CCDC40: variants seen among roughly 807,000 people sequenced by gnomAD.
CCDC40 encodes the protein coiled-coil domain-containing protein 40.
In CCDC40, 104 loss-of-function variants were observed where a neutral mutation model predicts 124.5. The observed-to-expected ratio is 0.84, with a 90% confidence interval of 0.71 to 0.98. The LOEUF (loss-of-function observed/expected upper bound fraction) is 0.98, where lower values mean the gene tolerates loss of function less well. Ranked by LOEUF, CCDC40 falls within the 50% of genes least tolerant of loss-of-function variation. The pLI is 0.00. For synonymous variants in CCDC40, 580 were observed against 602.9 expected, an observed-to-expected ratio of 0.96 and a Z score of 0.56; for missense variants, 1,463 against 1,503.9, an observed-to-expected ratio of 0.97 and a Z score of 0.45.
chr17:80,065,827 C>G (rs2038031891), intron 10 of CCDC40, among the ~76,000 whole-genome samples: 1 of 152,222 alleles, frequency 6.6e-6, no homozygotes. Flanking sequence ...AGGGGAGAGG[C>G]TTTTCTGCTC....
At chr17:80,039,480 C>T (rs2037216970) in intron 2 of CCDC40, among the ~76,000 whole-genome samples, 1 of 151,084 alleles carries the variant, frequency 6.6e-6, no homozygotes, top group South Asian at 2.1e-4. Flanking sequence ...GGCACGATCT[C>T]AGCTCACTGC....
intron 7 of CCDC40, among the ~76,000 whole-genome samples, chr17:80,055,981 CATATAT>C (rs1164782051): frequency 4.6e-4 from 12 of 26,092 alleles, no homozygotes; most frequent in East Asian, 1.7e-3. Flanking sequence ...GGCTAATTTT[CATATAT>C]ATATATATAT....
At chr17:80,088,240 GTTTTGTT>G (rs1008724175) in intron 16 of CCDC40, 138 bp downstream of exon 16, 4 of 724,774 alleles carry the variant, frequency 5.5e-6, no homozygotes, top group Admixed American at 2.0e-5. Context: ...TTTTGTTGTT[GTTTTGTT>G]TTTTGTTTTG....
chr17:80,090,212 CG>C (rs755632597), intron 17 of CCDC40: 2 of 731,690 alleles, frequency 2.7e-6, no homozygotes, highest in South Asian at 2.4e-5. Context: ...GGCACGTGCA[CG>C]AAGAACACGG....
chr17:80,090,252 A>T lies in CCDC40; in HGVS notation c.2832+368A>T. The T allele has an allele frequency of 1.7e-5, 14 of 848,300 alleles. 1 individual carries two copies. The highest frequency in any genetic ancestry group is 6.3e-5 in the East Asian group (2 of 31,848). 52.5% of individuals were successfully genotyped at this position (848,300 alleles called of 1,614,324 possible). On this transcript the variant is annotated intron_variant, in intron 17 of 19. Transcript: ENST00000397545. ...GCGCGCAGGCACGTGCACGAACAACACGGGACGCGCGCGGGCACGTGCACG... is the reference window on the plus strand; with the variant it reads ...GCGCGCAGGCACGTGCACGAACAACTCGGGACGCGCGCGGGCACGTGCACG...
chr17:80,065,638 C>A, intron 10 of CCDC40, 32 bp downstream of exon 10: 1 of 1,610,474 alleles, frequency 6.2e-7, no homozygotes, highest in South Asian at 1.1e-5. Flanking sequence ...CGAGGATGTG[C>A]GGGAACCCCA....
intron 10 of CCDC40, among the ~76,000 whole-genome samples, chr17:80,079,882 G>A (rs975160900): frequency 6.6e-6 from 1 of 151,214 alleles, no homozygotes; most frequent in Non-Finnish European, 1.5e-5. Flanking sequence ...CCGAGATCGC[G>A]CCACTGTACT....
chr17:80,041,291 T>A (rs1402499853), intron 3 of CCDC40, among the ~76,000 whole-genome samples: 3 of 152,082 alleles, frequency 2.0e-5, no homozygotes, highest in Admixed American at 6.6e-5. Context: ...GTGGATCACT[T>A]GAGGCCAGGA....
chr17:80,079,915 ACT>A (rs1203122170), intron 10 of CCDC40, among the ~76,000 whole-genome samples: 1 of 149,360 alleles, frequency 6.7e-6, no homozygotes, highest in Non-Finnish European at 1.5e-5. Context: ...GCAGAGCGAG[ACT>A]CTGTCTCAAA....
At chr17:80,065,372 C>T (rs1404995887) in intron 9 of CCDC40, 113 bp from the exon 10 acceptor site, 27 of 1,394,236 alleles carry the variant, frequency 1.9e-5, no homozygotes, top group Non-Finnish European at 2.3e-5. Context: ...AGGAAAGTAC[C>T]GGTGATAGAA....
intron 3 of CCDC40, among the ~76,000 whole-genome samples, chr17:80,041,652 A>G (rs1369030674): frequency 6.6e-6 from 1 of 152,084 alleles, no homozygotes; most frequent in Admixed American, 6.5e-5. Context: ...GAGTGCTCAT[A>G]TTTCTGTAGT....
chr17:80,086,179 G>C lies in CCDC40; in HGVS notation c.2412G>C (p.Glu804Asp). 1 of 1,613,364 alleles carries C rather than the reference G, an allele frequency of 6.2e-7. No individual in the cohort carries two copies. Among genetic ancestry groups the C allele is most frequent in the Non-Finnish European group, 8.5e-7 (1 of 1,179,742 alleles). Residue 804 changes from glutamate (E) to aspartate (D), a missense_variant, in exon 14 of 20, where the codon GAG (glutamate) becomes GAC (aspartate). By Grantham distance (45) the Glu-to-Asp change is conservative (BLOSUM62 2). Transcript: ENST00000397545. This position sits in a 1 kb window ranked among gnomAD's most constrained non-coding sequence, Gnocchi z 5.5. ...QLASLDASKK[E>D]LHIMEQKKLR... ...CCTCCCTGGACGCATCCAAGAAGGA[G>C]CTCCACATCATGGAGCAGAAGAAAC...
Position 80,089,858 on chromosome 17 carries a change from A to C in CCDC40, c.2806A>C (p.Met936Leu). The change falls in exon 17 of 20, where the codon ATG becomes CTG. Residue 936 changes from methionine to leucine, a missense_variant. Transcript: ENST00000397545. ...SEIGQTEIRA[M>L]KGEIHRMKVR... The stretch of plus-strand genomic sequence containing the variant: ...GATCGGCCAGACGGAGATCCGGGCC[A>C]TGAAGGGCGAGATCCACAGGATGAA... 6.2e-7 allele frequency: 1 copy of C among 1,614,256 alleles called. No homozygotes were observed. Among genetic ancestry groups the C allele is most frequent in the Non-Finnish European group, 8.5e-7 (1 of 1,180,046 alleles).
intron 19 of CCDC40, 107 bp downstream of exon 19, chr17:80,097,510 C>G: frequency 2.5e-6 from 3 of 1,183,904 alleles, no homozygotes; most frequent in Non-Finnish European, 3.6e-6. Flanking sequence ...CTGATCAGGT[C>G]ACGGCCTCTC....
chr17:80,049,707 C>CCAAA (rs1598487454), intron 5 of CCDC40, among the ~76,000 whole-genome samples, 199 bp from the exon 6 acceptor site: 1 of 152,170 alleles, frequency 6.6e-6, no homozygotes, highest in East Asian at 1.9e-4. Context: ...CAGTTCTCTG[C>CCAAA]AAGTGCCTCA....
chr17:80,089,331 C>T (rs2038652426), intron 16 of CCDC40, among the ~76,000 whole-genome samples: 1 of 152,172 alleles, frequency 6.6e-6, no homozygotes, highest in Non-Finnish European at 1.5e-5. Flanking sequence ...CTGTTCCTTG[C>T]GGTTTGATAG....
chr17:80,087,608 CA>C lies in CCDC40; in HGVS notation c.2453del (p.Lys818ArgfsTer16), dbSNP rs1342671929. ...MEQKKLRVES[K>X]IEQEKKEQKE... ...CTGAGTCTCTGTTTTCTGCCATAGG[CA>C]AGATTGAGCAGGAGAAGAAGGAGCA... is the stretch of plus-strand genomic sequence containing the variant. On this transcript the variant is annotated frameshift_variant and splice_region_variant, in exon 15 of 20. Coordinates refer to ENST00000397545, the MANE Select transcript of CCDC40 (RefSeq NM_017950.4). LOFTEE classifies it high-confidence loss of function. This position sits in a 1 kb window ranked among gnomAD's most constrained non-coding sequence, Gnocchi z 4.5. The C allele has an allele frequency of 6.2e-7, 1 of 1,613,986 alleles. No homozygotes were observed. The highest frequency in any genetic ancestry group is 1.1e-5 in the South Asian group (1 of 91,084).
In CCDC40 at chr17:80,036,684, GCGGGCCGGTAAGC is replaced by G; in HGVS notation, c.29+1_29+13del. The stretch of plus-strand genomic sequence containing the variant: ...GGAAATGGCGGAACCGGGCGGCGCG[GCGGGCCGGTAAGC>G]CGGGCCGAGGGGCAGCGGGTCTTGG... On this transcript the variant is annotated splice_donor_variant and splice_donor_5th_base_variant and coding_sequence_variant and intron_variant, in exon 1 of 20. Coordinates refer to ENST00000397545, the MANE Select transcript of CCDC40 (RefSeq NM_017950.4). LOFTEE classifies it high-confidence loss of function. 1 of 1,462,272 alleles carries G rather than the reference GCGGGCCGGTAAGC, an allele frequency of 6.8e-7. No homozygotes were observed. The highest frequency in any genetic ancestry group is 2.8e-5 in the East Asian group (1 of 35,210). The allele number at this position is 1,462,272 out of a possible 1,614,324, so 90.6% of individuals were successfully genotyped here.
intron 17 of CCDC40, chr17:80,090,296 C>G: frequency 2.3e-6 from 3 of 1,318,070 alleles, no homozygotes; most frequent in Non-Finnish European, 3.0e-6. Context: ...GGGACGCGCG[C>G]AGGCACGTGC....
Sources: allele counts gnomAD v4.1 joint callset (sites outside exome capture counted in the v4.1 genomes callset), GRCh38; gene constraint gnomAD v4.1.1; non-coding constraint Gnocchi (gnomAD v3.1); transcripts MANE v1.5; gene names NCBI Gene and HGNC (gene_info 2026-07-23, HGNC 2026-07-21).